The following ZNF831 variants were observed in gnomAD, a reference collection of about 807,000 sequenced individuals.
The protein encoded by ZNF831 is chromosome 20 open reading frame 174.
A neutral mutation model predicts 95.8 loss-of-function variants in ZNF831; 59 were observed. That is an observed-to-expected ratio of 0.62 (90% CI 0.50 to 0.77). The LOEUF is 0.77. Among genes scored for constraint, ZNF831 ranks in the 30% least tolerant of loss-of-function variants. The pLI is 0.00. For synonymous variants in ZNF831, 961 were observed against 925.5 expected, an observed-to-expected ratio of 1.04 and a Z score of -0.70; for missense variants, 2,205 against 2,164.0, an observed-to-expected ratio of 1.02 and a Z score of -0.38.
At chr20:59,151,680 G>GT (rs1980245292) in intron 2 of ZNF831, among the ~76,000 whole-genome samples, 1 of 152,210 alleles carries the variant, frequency 6.6e-6, no homozygotes, top group Non-Finnish European at 1.5e-5. Context: ...AGAGAGCACT[G>GT]TTTTGAAAAG....
rs1296301149 is a variant in ZNF831 at position 59,192,193 on chromosome 20, G to T, written c.1174G>T (p.Ala392Ser). 3 of 1,573,432 alleles carry T rather than the reference G, an allele frequency of 1.9e-6. No homozygotes were observed. Among genetic ancestry groups the T allele is most frequent in the Non-Finnish European group, 2.6e-6 (3 of 1,161,616 alleles). ...GPGVAGAEPG[A>S]REAGLELEKK... is the part of the protein sequence containing the mutation. ...AGGGGTCGCAGGGGCCGAGCCCGGG[G>T]CGCGAGAAGCCGGCCTGGAGCTGGA... The change falls in exon 2 of 6, where the codon GCG becomes TCG. Residue 392 changes from alanine to serine, a missense_variant. Physicochemically the swap from Ala to Ser is moderately conservative, Grantham distance 99. Coordinates refer to ENST00000371030, the MANE Select transcript of ZNF831 (RefSeq NM_178457.3). The surrounding 1 kb of genome is among the most constrained non-coding windows in gnomAD (Gnocchi z 5.2).
At chr20:59,243,705 T>G (rs543080178) in intron 4 of ZNF831, among the ~76,000 whole-genome samples, 28 of 152,334 alleles carry the variant, frequency 1.8e-4, no homozygotes, top group African/African-American at 6.5e-4. Flanking sequence ...CCTAAAGCCA[T>G]TAGTTAAGTA....
chr20:59,163,014 G>GGTTT (rs372481661), upstream of ZNF831, among the ~76,000 whole-genome samples: 372 of 136,524 alleles, frequency 2.7e-3, 2 homozygotes, highest in East Asian at 9.1e-3. Context: ...TGTATTCCTA[G>GGTTT]GTGTGTGTGT....
chr20:59,139,910 C>T (rs1252929470), intron 1 of ZNF831, among the ~76,000 whole-genome samples: 7 of 152,160 alleles, frequency 4.6e-5, no homozygotes, highest in Non-Finnish European at 1.0e-4. Flanking sequence ...GAATTGGACT[C>T]AGTGTAAAGT....
At chr20:59,211,403 T>C (rs889016478) in intron 4 of ZNF831, among the ~76,000 whole-genome samples, 1 of 152,194 alleles carries the variant, frequency 6.6e-6, no homozygotes, top group Non-Finnish European at 1.5e-5. Context: ...AGAATATCAA[T>C]CACTGCCTGC....
rs1984069793 is a variant in ZNF831 at position 59,195,942 on chromosome 20, C to A, written c.3812C>A (p.Pro1271His). 1 of 1,614,168 alleles carries A rather than the reference C, an allele frequency of 6.2e-7. No homozygotes were observed. The highest frequency in any genetic ancestry group is 1.1e-5 in the South Asian group (1 of 91,072). Residue 1271 changes from proline to histidine, a missense_variant, in exon 3 of 6, where the codon CCT becomes CAT. Transcript: ENST00000371030. ...GAGCCAGAATGGAAGAAAGGCCTGC[C>A]TTGGAGGGCAAAGATGTCTCGTGGG... ...VSEPEWKKGLPWRAKMSRGNS... is the reference protein window; with the variant it reads ...VSEPEWKKGLHWRAKMSRGNS...
At chr20:59,204,235 G>A (rs960885844) in intron 3 of ZNF831, among the ~76,000 whole-genome samples, 8 of 152,186 alleles carry the variant, frequency 5.3e-5, no homozygotes, top group Non-Finnish European at 1.0e-4. Context: ...CTTATGGAGC[G>A]GATGTTTATC....
At chr20:59,228,213 G>A (rs565258469) in intron 4 of ZNF831, among the ~76,000 whole-genome samples, 4 of 152,224 alleles carry the variant, frequency 2.6e-5, no homozygotes, top group South Asian at 2.1e-4. Flanking sequence ...GGCAACATGT[G>A]TTTATTACTG....
At chr20:59,185,301 G>A (rs982403738) in intron 1 of ZNF831, among the ~76,000 whole-genome samples, 7 of 152,182 alleles carry the variant, frequency 4.6e-5, no homozygotes, top group Admixed American at 1.3e-4. Context: ...ACTCAAAGGC[G>A]TCAATTTCGC....
intron 1 of ZNF831, among the ~76,000 whole-genome samples, chr20:59,145,568 C>G (rs6100348): frequency 0.01 from 1,571 of 152,262 alleles, 24 homozygotes; most frequent in African/African-American, 0.036. Context: ...AAAGTGTCAC[C>G]TAGATGTGAA....
chr20:59,166,945 G>A (rs1424694610), intron 1 of ZNF831, among the ~76,000 whole-genome samples: 1 of 152,210 alleles, frequency 6.6e-6, no homozygotes, highest in Non-Finnish European at 1.5e-5. Flanking sequence ...AAATGCCCAG[G>A]AGTGCAGTTG....
In ZNF831 at chr20:59,206,986, C is replaced by T. The variant is rs2146637495; in HGVS notation, c.3957C>T (p.Ser1319=). ...CACCAACCTGGGTGCGAAGAAGAAG[C>T]CGCCACCCTCCCGCACTTGAGGGAC... ...LRTPTWVRRR[S]RHPPALEGLK... is the part of the protein sequence containing the mutation. Residue 1319 remains serine, a synonymous_variant, in exon 4 of 6, where the codon AGC becomes AGT. Transcript: ENST00000371030. 2 of 1,614,226 alleles carry T rather than the reference C, an allele frequency of 1.2e-6. No homozygotes were observed. Among genetic ancestry groups the T allele is most frequent in the East Asian group, 4.5e-5 (2 of 44,888 alleles).
In ZNF831 at chr20:59,208,669, C is replaced by T. The variant is rs888354805; in HGVS notation, c.4027+1613C>T. ...TGAGCCTCGGGGGTCATGGTACTTG[C>T]TGGCTGACTCCTCGTTCCCTGTTCC... On this transcript the variant is annotated intron_variant, in intron 4 of 5. Transcript: ENST00000371030. The surrounding 1 kb of genome is among the most constrained non-coding windows in gnomAD (Gnocchi z 4.2). Among the ~76,000 whole-genome samples the T allele has an allele frequency of 6.6e-6, 1 of 152,202 alleles. No individual in the cohort carries two copies. Among genetic ancestry groups the T allele is most frequent in the African/African-American group, 2.4e-5 (1 of 41,442 alleles).
rs1259775753 is a variant in ZNF831 at position 59,258,411 on chromosome 20, A to C, written c.*3668A>C. 1 of 152,660 alleles carries C rather than the reference A, an allele frequency of 6.6e-6. No individual in the cohort carries two copies. 9.5% of individuals were successfully genotyped at this position (152,660 alleles called of 1,614,324 possible). On this transcript the variant is annotated 3_prime_UTR_variant, in exon 6 of 6. Coordinates refer to ENST00000371030, the MANE Select transcript of ZNF831 (RefSeq NM_178457.3). ...CTTGCATTTACATTCATTACTTAGAATGATCACATTATTCATTTTTTTCCC... is the reference window on the plus strand; with the variant it reads ...CTTGCATTTACATTCATTACTTAGACTGATCACATTATTCATTTTTTTCCC...
intron 4 of ZNF831, among the ~76,000 whole-genome samples, chr20:59,233,909 AGCCACCC>A (rs1986866835): frequency 6.6e-6 from 1 of 152,230 alleles, no homozygotes; most frequent in African/African-American, 2.4e-5. Flanking sequence ...ACAGGCATGC[AGCCACCC>A]TCATCCCCAC....
intron 4 of ZNF831, among the ~76,000 whole-genome samples, chr20:59,234,657 C>A (rs380147): frequency 0.6 from 90,940 of 151,874 alleles, 28,231 homozygotes; most frequent in East Asian, 0.86. Flanking sequence ...AGACACTCAA[C>A]GCGACAGAAG....
chr20:59,199,072 TATCTATC>T (rs1984337038), intron 3 of ZNF831, among the ~76,000 whole-genome samples: 1 of 272 alleles, frequency 3.7e-3, no homozygotes, highest in Non-Finnish European at 6.8e-3. Context: ...TCAACTTACA[TATCTATC>T]TATCTATCTA....
intron 1 of ZNF831, among the ~76,000 whole-genome samples, chr20:59,183,181 C>G (rs1982755334): frequency 6.6e-6 from 1 of 152,128 alleles, no homozygotes; most frequent in African/African-American, 2.4e-5. Flanking sequence ...CGTGGTTGGA[C>G]CTAGAGAGGG....
At position 59,236,885 on chromosome 20, in the gene ZNF831, C is replaced by T. The variant is rs574405310; in HGVS notation, c.4028-16093C>T. Among the ~76,000 whole-genome samples the T allele has an allele frequency of 7.0e-3, 1,061 of 152,062 alleles. 7 individuals carry two copies. The highest frequency in any genetic ancestry group is 0.011 in the Non-Finnish European group (731 of 67,954). On this transcript the variant is annotated intron_variant, in intron 4 of 5. Transcript: ENST00000371030. ...AAAAAGATTTTCCCCCCGTTTTTTT[C>T]TTCCTTTTAAAATTGAGGGAGAAGT...
Sources: allele counts gnomAD v4.1 joint callset (sites outside exome capture counted in the v4.1 genomes callset), GRCh38; gene constraint gnomAD v4.1.1; non-coding constraint Gnocchi (gnomAD v3.1); transcripts MANE v1.5; gene names NCBI Gene and HGNC (gene_info 2026-07-23, HGNC 2026-07-21).